TMEM117: variants seen among roughly 807,000 people sequenced by gnomAD.
TMEM117 encodes transmembrane protein 117.
In TMEM117, 27 loss-of-function variants were observed where a neutral mutation model predicts 52.4. The observed-to-expected ratio is 0.51, with a 90% CI of 0.38 to 0.71. The LOEUF (loss-of-function observed/expected upper bound fraction) is 0.71, where lower values mean the gene tolerates loss of function less well. Ranked by LOEUF, TMEM117 falls within the 30% of genes least tolerant of loss-of-function variation. The pLI is 0.00. For missense variants in TMEM117, 556 were observed against 630.5 expected (o/e 0.88, Z 1.26); for synonymous variants, 215 against 206.3 (o/e 1.04, Z -0.36).
At chr12:43,845,480 AAAAG>A (rs1943188846) in intron 2 of TMEM117, among the ~76,000 whole-genome samples, 1 of 151,430 alleles carries the variant, frequency 6.6e-6, no homozygotes, top group South Asian at 2.1e-4. Flanking sequence ...AAAAAAAAAA[AAAAG>A]AGCATTAGAG....
chr12:44,231,849 T>C (rs1399614015), intron 5 of TMEM117, among the ~76,000 whole-genome samples: 2 of 151,764 alleles, frequency 1.3e-5, no homozygotes, highest in Admixed American at 6.6e-5. Flanking sequence ...TTGTCAGTTG[T>C]ATATGGTGCT....
intron 2 of TMEM117, among the ~76,000 whole-genome samples, chr12:43,912,176 G>A (rs1421773068): frequency 3.3e-5 from 5 of 149,800 alleles, no homozygotes; most frequent in East Asian, 3.9e-4. Flanking sequence ...CATAAAAAAG[G>A]ATGAGTTCAT....
intron 1 of TMEM117, among the ~76,000 whole-genome samples, chr12:43,840,260 A>T (rs1943096645): frequency 6.6e-6 from 1 of 152,194 alleles, no homozygotes; most frequent in South Asian, 2.1e-4. Context: ...CGGAACTCTA[A>T]GTCTCTGTTG....
At chr12:44,339,524 ATAT>A (rs987172278) in intron 6 of TMEM117, among the ~76,000 whole-genome samples, 4 of 152,070 alleles carry the variant, frequency 2.6e-5, no homozygotes, top group Non-Finnish European at 5.9e-5. Flanking sequence ...ATCAGCACAA[ATAT>A]TATTAGAAAA....
At chr12:43,997,152 GA>G (rs1336766480) in intron 3 of TMEM117, among the ~76,000 whole-genome samples, 1 of 152,148 alleles carries the variant, frequency 6.6e-6, no homozygotes, top group Admixed American at 6.6e-5. Context: ...GGGTAAGCTG[GA>G]AAGTGGTAGA....
chr12:43,923,032 G>C (rs1259256536), intron 2 of TMEM117, among the ~76,000 whole-genome samples: 1 of 152,184 alleles, frequency 6.6e-6, no homozygotes, highest in Non-Finnish European at 1.5e-5. Context: ...ACCTCTGCTG[G>C]AGGAGCAGAG....
At chr12:44,050,451 A>G (rs1226066593) in intron 3 of TMEM117, among the ~76,000 whole-genome samples, 1 of 152,202 alleles carries the variant, frequency 6.6e-6, no homozygotes, top group African/African-American at 2.4e-5. Flanking sequence ...TGCTGGGATT[A>G]CAGACATGAG....
intron 3 of TMEM117, among the ~76,000 whole-genome samples, chr12:44,051,846 A>G (rs74084626): frequency 1.3e-5 from 2 of 152,194 alleles, no homozygotes; most frequent in Non-Finnish European, 2.9e-5. Context: ...AAAAGGAATC[A>G]TATGGGCTTA....
At chr12:43,810,535 G>T in the TMEM117 span, among the ~76,000 whole-genome samples, 3 of 152,156 alleles carry the variant, frequency 2.0e-5, no homozygotes, top group African/African-American at 2.4e-5. Context: ...TCTGCAATCT[G>T]GTGGGAAGAT....
the TMEM117 span, among the ~76,000 whole-genome samples, chr12:44,395,770 T>A: frequency 6.6e-6 from 1 of 152,164 alleles, no homozygotes; most frequent in Admixed American, 6.5e-5. Context: ...GAAGATGCTG[T>A]AAGAATTTTC....
At chr12:44,356,451 C>T (rs574049401) in intron 6 of TMEM117, among the ~76,000 whole-genome samples, 3 of 152,076 alleles carry the variant, frequency 2.0e-5, no homozygotes, top group Non-Finnish European at 4.4e-5. Context: ...AGGTATTCAA[C>T]TGAGTTCCTT....
chr12:44,054,700 TA>T lies in TMEM117; in HGVS notation c.411-88824del, dbSNP rs557485154. On this transcript the variant is annotated intron_variant, in intron 3 of 7. Coordinates refer to ENST00000266534, the MANE Select transcript of TMEM117 (RefSeq NM_032256.3). ...CTTTCCTTATGGATACCAATAGGAT[TA>T]TTTTTTTTTCAATTTTTTTTTTCTT... Among the ~76,000 whole-genome samples, 46 of 151,930 alleles carry T rather than the reference TA, an allele frequency of 3.0e-4. No individual in the cohort carries two copies. In the East Asian group the frequency reaches 6.6e-3, roughly 22 times the overall value.
intron 3 of TMEM117, among the ~76,000 whole-genome samples, chr12:44,075,006 T>C (rs1352079355): frequency 6.6e-6 from 1 of 152,226 alleles, no homozygotes; most frequent in Non-Finnish European, 1.5e-5. Context: ...TTGAGGCTTA[T>C]TCAGTTTTCT....
At chr12:43,799,080 G>C in the TMEM117 span, among the ~76,000 whole-genome samples, 257 of 152,084 alleles carry the variant, frequency 1.7e-3, 1 homozygote, top group Non-Finnish European at 2.9e-3. Flanking sequence ...TGCACTAAAT[G>C]GGTAACACAC....
intron 4 of TMEM117, among the ~76,000 whole-genome samples, chr12:44,185,869 TACACACACACACAC>T (rs3065433): frequency 0.028 from 3,735 of 135,104 alleles, 95 homozygotes; most frequent in South Asian, 0.099. Context: ...CTAAAAGACA[TACACACACACACAC>T]ACACACACAC....
At chr12:44,167,839 C>G (rs1017035480) in intron 4 of TMEM117, among the ~76,000 whole-genome samples, 2 of 152,118 alleles carry the variant, frequency 1.3e-5, no homozygotes, top group Non-Finnish European at 2.9e-5. Flanking sequence ...TAGTGCAGCT[C>G]TAGTGTGTAA....
chr12:44,275,782 A>G (rs1950504704), intron 5 of TMEM117, among the ~76,000 whole-genome samples: 2 of 151,336 alleles, frequency 1.3e-5, no homozygotes, highest in Non-Finnish European at 3.0e-5. Context: ...GAGTAGAAGG[A>G]TGGTTACCAG....
intron 6 of TMEM117, among the ~76,000 whole-genome samples, chr12:44,341,011 A>AT (rs1235072148): frequency 6.6e-6 from 1 of 151,738 alleles, no homozygotes; most frequent in Non-Finnish European, 1.5e-5. Context: ...AAGTGTACAC[A>AT]TTTTTTTAGA....
At chr12:44,132,017 T>G (rs1565841634) in intron 3 of TMEM117, among the ~76,000 whole-genome samples, 1 of 152,096 alleles carries the variant, frequency 6.6e-6, no homozygotes, top group Non-Finnish European at 1.5e-5. Flanking sequence ...ATACCTGAAG[T>G]CTATCCATAC....
Sources: gnomAD v4.1 joint callset for allele counts (sites outside exome capture counted in the v4.1 genomes callset) on GRCh38, gnomAD v4.1.1 for gene constraint, MANE v1.5 for transcripts, NCBI Gene and HGNC (gene_info 2026-07-23, HGNC 2026-07-21) for gene names.